Variants in KCNC4 observed in about 807,000 individuals in gnomAD.
The protein encoded by KCNC4 is potassium voltage-gated channel subfamily C member 4, also known as voltage-gated potassium channel KCNC4.
In KCNC4, 23 loss-of-function variants were observed where a neutral mutation model predicts 42.8. The ratio of observed to expected loss-of-function variants is 0.54; its 90% confidence interval spans 0.39 to 0.76. The LOEUF (loss-of-function observed/expected upper bound fraction) is 0.76. KCNC4 is among the 30% of genes least tolerant of loss of function. The pLI, the probability that KCNC4 is intolerant of heterozygous loss-of-function variation, is 0.00. For missense variants in KCNC4, 751 were observed against 898.2 expected (o/e 0.84, Z 2.10); for synonymous variants, 422 against 393.5 (o/e 1.07, Z -0.86).
intron 1 of KCNC4, among the ~76,000 whole-genome samples, chr1:110,273,453 A>G (rs1659668929): frequency 6.6e-6 from 1 of 152,232 alleles, no homozygotes; most frequent in South Asian, 2.1e-4. Flanking sequence ...GAGTCTGGAA[A>G]GAACAGGGAC....
chr1:110,223,363 C>T lies in KCNC4; in HGVS notation c.1078C>T (p.Leu360Phe). The change falls in exon 2 of 4, where the codon CTC becomes TTC. Residue 360 changes from leucine to phenylalanine, a missense_variant. By Grantham distance (22) the Leu-to-Phe change is conservative. Transcript: ENST00000438661. This position sits in a 1 kb window ranked among gnomAD's most constrained non-coding sequence, Gnocchi z 7.5. ...RFVRILRIFKLTRHFVGLRVL... is the reference protein window; with the variant it reads ...RFVRILRIFKFTRHFVGLRVL... ...CGTGCGCATCCTGCGTATCTTCAAG[C>T]TCACACGCCACTTCGTGGGGCTACG... is the stretch of plus-strand genomic sequence containing the variant. 6.2e-7 allele frequency: 1 copy of T among 1,613,876 alleles called. No individual in the cohort carries two copies. The highest frequency in any genetic ancestry group is 8.5e-7 in the Non-Finnish European group (1 of 1,179,862).
At chr1:110,271,102 C>T (rs1429227733) in intron 1 of KCNC4, among the ~76,000 whole-genome samples, 1 of 152,154 alleles carries the variant, frequency 6.6e-6, no homozygotes, top group African/African-American at 2.4e-5. Context: ...TGCAATTCTC[C>T]TTGTGTGAAC....
rs1658384159 is a variant in KCNC4 at position 110,226,191 on chromosome 1, A to G, written c.1819+13A>G. On this transcript the variant is annotated intron_variant, in intron 3 of 3. Transcript: ENST00000438661. ...AGTGTCCGGAAAGGTATGGCTTCCC[A>G]AGCTGGACAGGTGGGGAGCCCCCAC... The G allele has an allele frequency of 6.2e-7, 1 of 1,612,950 alleles. No individual in the cohort carries two copies. Among genetic ancestry groups the G allele is most frequent in the Non-Finnish European group, 8.5e-7 (1 of 1,179,086 alleles).
intron 1 of KCNC4, among the ~76,000 whole-genome samples, chr1:110,266,553 GGAAGTAGGTACTA>G (rs1445444709): frequency 6.6e-6 from 1 of 152,112 alleles, no homozygotes; most frequent in African/African-American, 2.4e-5. Flanking sequence ...AGCAACCCTA[GGAAGTAGGTACTA>G]TTACTATTCT....
In KCNC4 at chr1:110,259,509, A is replaced by T. The variant is rs77917428; in HGVS notation, n.31-23025A>T. The stretch of plus-strand genomic sequence containing the variant: ...CCTGATCTCTCAGACTCTCTTGCAG[A>T]TGTTCACAGTGCTGGACCTTGAAAT... On this transcript the variant is annotated intron_variant and non_coding_transcript_variant, in intron 1 of 2. Coordinates refer to the KCNC4 transcript ENST00000412512. Among the ~76,000 whole-genome samples the T allele has an allele frequency of 2.8e-4, 43 of 152,302 alleles. No homozygotes were observed. The East Asian group carries it at 8.3e-3, about 29-fold the overall frequency.
chr1:110,278,946 T>C (rs764939116), intron 1 of KCNC4, among the ~76,000 whole-genome samples: 1 of 152,064 alleles, frequency 6.6e-6, no homozygotes, highest in African/African-American at 2.4e-5. Flanking sequence ...CTTTCTTCCG[T>C]CTCATGTCTA....
At chr1:110,262,955 G>A (rs1659480163) in intron 1 of KCNC4, among the ~76,000 whole-genome samples, 1 of 152,222 alleles carries the variant, frequency 6.6e-6, no homozygotes, top group Non-Finnish European at 1.5e-5. Flanking sequence ...ACCTAGGATA[G>A]CCCTGTGAAC....
intron 1 of KCNC4, among the ~76,000 whole-genome samples, chr1:110,254,834 G>A (rs988583940): frequency 1.3e-5 from 2 of 152,364 alleles, no homozygotes; most frequent in African/African-American, 4.8e-5. Context: ...CAGAGCCTCT[G>A]GGAGGCCCAC....
rs56333861 is a variant in KCNC4, at chr1:110,257,720, C to CAAAAAAAAAA, written n.31-24801_31-24792dup. Among the ~76,000 whole-genome samples, 35 of 90,962 alleles carry CAAAAAAAAAA rather than the reference C, an allele frequency of 3.8e-4. 2 individuals are homozygous for CAAAAAAAAAA. The highest frequency in any genetic ancestry group is 1.3e-3 in the African/African-American group (26 of 20,198). 59.7% of individuals were successfully genotyped at this position (90,962 alleles called of 152,430 possible). A position where few individuals can be genotyped will look rare whatever the true frequency, so the allele number is the denominator to read the frequency against. On this transcript the variant is annotated intron_variant and non_coding_transcript_variant, in intron 1 of 2. Transcript: ENST00000412512. ...TTGGCAACAGAGCGAGACTCCGTCTCAAAAAAAAAAAAAAAAAAAAAAGTC... is the reference window on the plus strand; with the variant it reads ...TTGGCAACAGAGCGAGACTCCGTCTCAAAAAAAAAAAAAAAAAAAAAAAAAAAAAAAAGTC...
intron 1 of KCNC4, among the ~76,000 whole-genome samples, chr1:110,262,648 C>T (rs1186049913): frequency 6.6e-6 from 1 of 152,190 alleles, no homozygotes; most frequent in Non-Finnish European, 1.5e-5. Context: ...ATACAGCTGT[C>T]CTTCTGCCTC....
intron 1 of KCNC4, chr1:110,219,924 C>T (rs1034864371): frequency 6.6e-6 from 1 of 152,286 alleles, no homozygotes; most frequent in Non-Finnish European, 1.5e-5. Context: ...GGTGCCACAG[C>T]TCAGGCCGCA....
chr1:110,241,771 C>A (rs1467269684), exon 4 of KCNC4: 3 of 152,242 alleles, frequency 2.0e-5, no homozygotes, highest in Non-Finnish European at 4.4e-5. Flanking sequence ...TGGGCTCTCC[C>A]AGGTAGAATT....
At chr1:110,278,986 C>T (rs193159086) in intron 1 of KCNC4, among the ~76,000 whole-genome samples, 27 of 152,204 alleles carry the variant, frequency 1.8e-4, no homozygotes, top group Non-Finnish European at 2.1e-4. Context: ...CTTAGGTCTG[C>T]CGGCTCTGAA....
chr1:110,240,052 AGGAG>A (rs1374810802), exon 4 of KCNC4: 2 of 152,400 alleles, frequency 1.3e-5, no homozygotes, highest in African/African-American at 2.4e-5. Context: ...AAAGAGGAAG[AGGAG>A]GGAGGGGCAA....
At chr1:110,265,490 G>C (rs1053727764) in intron 1 of KCNC4, among the ~76,000 whole-genome samples, 1 of 152,182 alleles carries the variant, frequency 6.6e-6, no homozygotes, top group Non-Finnish European at 1.5e-5. Flanking sequence ...TCCCAAAGGA[G>C]CTTTTAGAGA....
At position 110,210,688 on chromosome 1, in the gene KCNC4, C is replaced by CACCCCCGCCCCAGCGCG. The variant is rs1326777617; in HGVS notation, c.-811_-795dup. Among the ~76,000 whole-genome samples the CACCCCCGCCCCAGCGCG allele has an allele frequency of 2.6e-5, 4 of 151,204 alleles. No individual in the cohort carries two copies. The highest frequency in any genetic ancestry group is 9.7e-5 in the African/African-American group (4 of 41,306). ...GCCGCGCAGGACGCCCCGTCTGAGG[C>CACCCCCGCCCCAGCGCG]ACCCCCGCCCCAGCGCGGCCCCCGC... is the stretch of plus-strand genomic sequence containing the variant. On this transcript the variant is annotated 5_prime_UTR_variant, in exon 1 of 4. The change creates a premature stop within an existing upstream ORF in the 5' untranslated region. Coordinates refer to ENST00000438661, the MANE Select transcript of KCNC4 (RefSeq NM_001039574.3).
At chr1:110,260,878 C>G (rs892788269) in intron 1 of KCNC4, among the ~76,000 whole-genome samples, 1 of 152,086 alleles carries the variant, frequency 6.6e-6, no homozygotes, top group Non-Finnish European at 1.5e-5. Context: ...TGCAGTGAGC[C>G]GAGATCGCGC....
At chr1:110,253,780 G>A (rs1412859945), downstream of KCNC4, among the ~76,000 whole-genome samples, 1 of 152,228 alleles carries the variant, frequency 6.6e-6, no homozygotes, top group East Asian at 1.9e-4. Context: ...GACTGGCTCT[G>A]AGGGCAGCAG....
rs948104232 is a variant in KCNC4 at position 110,210,349 on chromosome 1, A to G, written c.-1151A>G. Among the ~76,000 whole-genome samples the G allele has an allele frequency of 6.6e-6, 1 of 151,406 alleles. No homozygotes were observed. Among genetic ancestry groups the G allele is most frequent in the Non-Finnish European group, 1.5e-5 (1 of 67,786 alleles). ...GGCGGCCGCTGCCAGCGCCGGAGGG[A>G]GACCATGAGCCCCTAGGGCCCCAGC... On this transcript the variant is annotated 5_prime_UTR_variant, in exon 1 of 4. Coordinates refer to ENST00000438661, the MANE Select transcript of KCNC4 (RefSeq NM_001039574.3).
Sources: allele counts gnomAD v4.1 joint callset (sites outside exome capture counted in the v4.1 genomes callset), GRCh38; gene constraint gnomAD v4.1.1; non-coding constraint Gnocchi (gnomAD v3.1); transcripts MANE v1.5; gene names NCBI Gene and HGNC (gene_info 2026-07-23, HGNC 2026-07-21).